TASP1: variants seen among roughly 807,000 people sequenced by gnomAD.
TASP1 encodes threonine aspartase 1.
A neutral mutation model predicts 56.6 loss-of-function variants in TASP1; 16 were observed. That is an observed-to-expected ratio of 0.28 (90% CI 0.19 to 0.43). TASP1 has a LOEUF of 0.43. Ranked by LOEUF, TASP1 falls within the 20% of genes least tolerant of loss-of-function variation. TASP1 has a pLI of 1.00. For missense variants in TASP1, 393 were observed against 511.6 expected (o/e 0.77, Z 2.24); for synonymous variants, 179 against 184.2 (o/e 0.97, Z 0.23).
At chr20:13,317,332 G>C in the TASP1 span, among the ~76,000 whole-genome samples, 7 of 151,974 alleles carry the variant, frequency 4.6e-5, no homozygotes, top group African/African-American at 1.7e-4. Flanking sequence ...CTCCATGTTA[G>C]GGAGGCTCAA....
At chr20:13,308,467 A>G in the TASP1 span, among the ~76,000 whole-genome samples, 1 of 152,140 alleles carries the variant, frequency 6.6e-6, no homozygotes, top group South Asian at 2.1e-4. Context: ...ATTGAACAGT[A>G]CTTTGCCTAT....
At chr20:13,436,855 C>G (rs1384368554) in intron 11 of TASP1, among the ~76,000 whole-genome samples, 1 of 152,010 alleles carries the variant, frequency 6.6e-6, no homozygotes, top group Non-Finnish European at 1.5e-5. Context: ...GACTCATACA[C>G]TAAAGGTTTT....
At chr20:13,200,895 T>C in the TASP1 span, among the ~76,000 whole-genome samples, 1 of 152,198 alleles carries the variant, frequency 6.6e-6, no homozygotes, top group African/African-American at 2.4e-5. Flanking sequence ...AAGTGCTCTA[T>C]AAACATTAAT....
the TASP1 span, among the ~76,000 whole-genome samples, chr20:13,321,253 T>TAAAAAAAAAAAAAAAAAAAAAA: frequency 9.0e-4 from 52 of 57,512 alleles, 1 homozygote; most frequent in Middle Eastern, 0.012. Context: ...GTGCCCCACA[T>TAAAAAAAAAAAAAAAAAAAAAA]AAAAAAAAAA....
chr20:13,518,435 T>A (rs1355420021), intron 10 of TASP1, among the ~76,000 whole-genome samples: 3 of 152,072 alleles, frequency 2.0e-5, no homozygotes, highest in Admixed American at 1.3e-4. Flanking sequence ...ATCTCCCTAC[T>A]CAAGAGTCCC....
chr20:13,575,571 T>C lies in TASP1; in HGVS notation c.488+5326A>G, dbSNP rs544572896. ...TGAGGCTTCGCCAGCCATGTCGAAC[T>C]GTGAGTCCATTAAACCTCTTTTTTT... is the stretch of plus-strand genomic sequence containing the variant. On this transcript the variant is annotated intron_variant, in intron 6 of 13. Coordinates refer to ENST00000337743, the MANE Select transcript of TASP1 (RefSeq NM_017714.3). Among the ~76,000 whole-genome samples the C allele has an allele frequency of 2.0e-4, 30 of 152,358 alleles. No homozygotes were observed. In the South Asian group the frequency reaches 5.2e-3, roughly 26 times the overall value.
chr20:13,520,298 A>G lies in TASP1; in HGVS notation c.874+8135T>C, dbSNP rs370833487. Among the ~76,000 whole-genome samples the G allele has an allele frequency of 2.1e-4, 32 of 152,356 alleles. No individual in the cohort carries two copies. In the East Asian group the frequency reaches 5.0e-3, roughly 24 times the overall value. On this transcript the variant is annotated intron_variant, in intron 10 of 13. Transcript: ENST00000337743. ...TTTAAAGTTCATATGAAACCAAAAA[A>G]GAGCCCACATTGCCAAGTCAATCCT...
intron 13 of TASP1, among the ~76,000 whole-genome samples, chr20:13,394,090 G>A (rs1307007231): frequency 6.6e-6 from 1 of 151,504 alleles, no homozygotes; most frequent in Admixed American, 6.6e-5. Flanking sequence ...AGACCAGCCT[G>A]GCCAACAGGG....
chr20:13,219,547 A>C, the TASP1 span, among the ~76,000 whole-genome samples: 1 of 151,884 alleles, frequency 6.6e-6, no homozygotes, highest in African/African-American at 2.4e-5. Flanking sequence ...TAAAAATCCA[A>C]AGCAAGCACC....
At chr20:13,474,940 T>A (rs1037900913) in intron 11 of TASP1, among the ~76,000 whole-genome samples, 3 of 152,196 alleles carry the variant, frequency 2.0e-5, no homozygotes, top group African/African-American at 7.2e-5. Flanking sequence ...TTTGGAGAAA[T>A]GTCTACTCAT....
At chr20:13,572,101 T>A (rs904432780) in intron 6 of TASP1, among the ~76,000 whole-genome samples, 1 of 152,220 alleles carries the variant, frequency 6.6e-6, no homozygotes, top group African/African-American at 2.4e-5. Context: ...ACATTGTATC[T>A]GTTAGTTTAT....
chr20:13,211,965 A>T, the TASP1 span, among the ~76,000 whole-genome samples: 2 of 152,146 alleles, frequency 1.3e-5, no homozygotes, highest in Non-Finnish European at 2.9e-5. Flanking sequence ...TAGGAAAGAA[A>T]TTGCTGACCC....
chr20:13,354,228 A>G, the TASP1 span, among the ~76,000 whole-genome samples: 1 of 152,214 alleles, frequency 6.6e-6, no homozygotes, highest in Non-Finnish European at 1.5e-5. Context: ...TAAAAGATTC[A>G]AGATCCAAAT....
intron 10 of TASP1, among the ~76,000 whole-genome samples, chr20:13,508,968 C>T (rs575199165): frequency 3.3e-5 from 5 of 152,196 alleles, no homozygotes; most frequent in Admixed American, 2.0e-4. Flanking sequence ...ACCATATAAT[C>T]GAACAATCCC....
intron 13 of TASP1, among the ~76,000 whole-genome samples, chr20:13,404,493 C>T (rs1166098332): frequency 6.6e-6 from 1 of 152,100 alleles, no homozygotes; most frequent in Non-Finnish European, 1.5e-5. Context: ...ATAGTCTTAG[C>T]TACTTGGGGA....
chr20:13,525,431 C>T (rs2044936641), intron 10 of TASP1, among the ~76,000 whole-genome samples: 1 of 152,038 alleles, frequency 6.6e-6, no homozygotes, highest in South Asian at 2.1e-4. Flanking sequence ...TTAATCCACC[C>T]CCTCTCCCCA....
the TASP1 span, among the ~76,000 whole-genome samples, chr20:13,267,340 G>A: frequency 4.6e-5 from 7 of 152,184 alleles, no homozygotes; most frequent in Non-Finnish European, 5.9e-5. Flanking sequence ...ATGGAGAAAT[G>A]CCACAGTTGT....
chr20:13,377,444 C>A, the TASP1 span, among the ~76,000 whole-genome samples: 1 of 152,078 alleles, frequency 6.6e-6, no homozygotes, highest in African/African-American at 2.4e-5. Flanking sequence ...TGGTGGATAA[C>A]CTTTTTGATA....
the TASP1 span, among the ~76,000 whole-genome samples, chr20:13,148,418 A>AG: frequency 6.6e-6 from 1 of 152,140 alleles, no homozygotes; most frequent in Non-Finnish European, 1.5e-5. Flanking sequence ...AACCACCCTC[A>AG]GGGGTGGGGT....
Sources: allele counts gnomAD v4.1 joint callset (sites outside exome capture counted in the v4.1 genomes callset), GRCh38; gene constraint gnomAD v4.1.1; transcripts MANE v1.5; gene names NCBI Gene and HGNC (gene_info 2026-07-23, HGNC 2026-07-21).